Variants in PLXNA4 observed in about 807,000 individuals in gnomAD.
PLXNA4 encodes plexin A4, also known as plexin-A4.
PLXNA4 carries 44 observed loss-of-function variants against 191.8 expected under a neutral mutation model. That is an observed-to-expected ratio of 0.23 (90% CI 0.18 to 0.29). PLXNA4 has a LOEUF of 0.29. Ranked by LOEUF, PLXNA4 falls within the 10% of genes least tolerant of loss-of-function variation. The probability of loss-of-function intolerance (pLI) is 1.00; values close to 1 mark genes in which losing one functional copy is unlikely to be tolerated. For missense variants in PLXNA4, 1,800 were observed against 2,488.8 expected (o/e 0.72, Z 5.89); for synonymous variants, 1,082 against 1,009.5 (o/e 1.07, Z -1.36).
chr7:132,380,781 T>A (rs1369941688), intron 3 of PLXNA4, among the ~76,000 whole-genome samples: 1 of 152,196 alleles, frequency 6.6e-6, no homozygotes, highest in Non-Finnish European at 1.5e-5. Context: ...CGATTGCTGG[T>A]CCCCAAAACA....
intron 5 of PLXNA4, among the ~76,000 whole-genome samples, chr7:132,239,024 C>T (rs1233636753): frequency 1.3e-5 from 2 of 152,214 alleles, no homozygotes; most frequent in African/African-American, 2.4e-5. Context: ...GGAGTCTGCA[C>T]TTGGGGGCAG....
chr7:132,202,371 T>C (rs892339094), intron 12 of PLXNA4, among the ~76,000 whole-genome samples: 4 of 152,128 alleles, frequency 2.6e-5, no homozygotes, highest in Non-Finnish European at 4.4e-5. Flanking sequence ...TGGCGAGGAC[T>C]GAGTCCTTTT....
At chr7:132,529,826 C>T (rs1407150483) in intron 1 of PLXNA4, among the ~76,000 whole-genome samples, 1 of 152,078 alleles carries the variant, frequency 6.6e-6, no homozygotes, top group African/African-American at 2.4e-5. Context: ...AGGATGGTCT[C>T]GATCTCCAGA....
At chr7:132,357,982 A>T (rs1202214147) in intron 3 of PLXNA4, among the ~76,000 whole-genome samples, 1 of 152,206 alleles carries the variant, frequency 6.6e-6, no homozygotes, top group African/African-American at 2.4e-5. Flanking sequence ...ATTGTTAGAC[A>T]CAGAGCACTC....
chr7:132,594,166 G>A (rs573563650), intron 2 of PLXNA4, among the ~76,000 whole-genome samples: 4 of 152,338 alleles, frequency 2.6e-5, no homozygotes, highest in Admixed American at 6.5e-5. Flanking sequence ...GATGTAATTC[G>A]TTAAGATGAG....
chr7:132,281,619 C>T (rs1211218551), intron 4 of PLXNA4, among the ~76,000 whole-genome samples: 1 of 152,166 alleles, frequency 6.6e-6, no homozygotes, highest in African/African-American at 2.4e-5. Context: ...CAAATGATCT[C>T]CTCATGCCAT....
At position 132,127,910 on chromosome 7, in the gene PLXNA4, A is replaced by AAAAAT. The variant is rs1794816703; in HGVS notation, c.*2564_*2568dup. ...CAATAACAATAATCATCATCCAGTA[A>AAAAAT]AAAATAAAAGCTTCAGCAGAACCGT... On this transcript the variant is annotated 3_prime_UTR_variant, in exon 32 of 32. Transcript: ENST00000321063. 3.3e-5 allele frequency: 5 copies of AAAAAT among 152,038 alleles called. No homozygotes were observed. The South Asian group carries it at 1.0e-3, about 32-fold the overall frequency. The allele number at this position is 152,038 out of a possible 1,614,324, so 9.4% of individuals were successfully genotyped here.
intron 3 of PLXNA4, among the ~76,000 whole-genome samples, chr7:132,460,021 A>G (rs535480376): frequency 2.9e-4 from 44 of 152,098 alleles, no homozygotes; most frequent in Middle Eastern, 3.4e-3. Flanking sequence ...ACCGATAGCA[A>G]GAATACTTAT....
At chr7:132,460,866 C>CCT (rs1383654733) in intron 3 of PLXNA4, among the ~76,000 whole-genome samples, 2 of 151,964 alleles carry the variant, frequency 1.3e-5, no homozygotes, top group East Asian at 3.9e-4. Context: ...ACTCATGGTA[C>CCT]CTCTGCACAC....
chr7:132,561,611 TTCCTCCTCC>T (rs1283113124), intron 1 of PLXNA4, among the ~76,000 whole-genome samples: 11 of 93,748 alleles, frequency 1.2e-4, no homozygotes, highest in Non-Finnish European at 1.9e-4. Flanking sequence ...CCTCCTTCTC[TTCCTCCTCC>T]TCCTCTTCCT....
chr7:132,559,572 C>T (rs1367300929), intron 1 of PLXNA4, among the ~76,000 whole-genome samples: 2 of 152,188 alleles, frequency 1.3e-5, no homozygotes, highest in Non-Finnish European at 2.9e-5. Flanking sequence ...TCACTACCTT[C>T]CGCAGCAGCA....
rs190064899 is a variant in PLXNA4 at position 132,133,064 on chromosome 7, G to C, written c.5574C>G (p.Gly1858=). ...SALSEIFSYV[G]KYSEEILGPL... ...CAAAGCTTACCTCCTCGCTGTATTT[G>C]CCCACATAGGAGAAGATCTCTGAGA... Residue 1858 remains glycine (G), a synonymous_variant, in exon 31 of 32, where the codon GGC becomes GGG. Transcript: ENST00000321063. 1 of 1,613,990 alleles carries C rather than the reference G, an allele frequency of 6.2e-7. No individual in the cohort carries two copies. Among genetic ancestry groups the C allele is most frequent in the South Asian group, 1.1e-5 (1 of 91,040 alleles).
intron 3 of PLXNA4, among the ~76,000 whole-genome samples, chr7:132,309,415 G>A (rs950847027): frequency 3.9e-5 from 6 of 152,024 alleles, no homozygotes; most frequent in African/African-American, 1.4e-4. Flanking sequence ...GCACAGAGAC[G>A]CAGGCCAGAA....
chr7:132,429,475 G>T (rs1270740553), intron 3 of PLXNA4, among the ~76,000 whole-genome samples: 1 of 152,176 alleles, frequency 6.6e-6, no homozygotes, highest in Non-Finnish European at 1.5e-5. Flanking sequence ...CACCACGAAA[G>T]CAGGCACAGA....
intron 25 of PLXNA4, among the ~76,000 whole-genome samples, chr7:132,151,046 T>C (rs1795581491): frequency 6.6e-6 from 1 of 152,190 alleles, no homozygotes; most frequent in South Asian, 2.1e-4. Context: ...AAAGCCAATA[T>C]GGAGAGAGGG....
chr7:132,224,351 C>T (rs549065332), intron 8 of PLXNA4, among the ~76,000 whole-genome samples: 8 of 152,214 alleles, frequency 5.3e-5, no homozygotes, highest in Non-Finnish European at 1.0e-4. Context: ...TTCTGTCCTC[C>T]ACCTGACTAC....
At chr7:132,606,824 T>C (rs1802933891) in intron 2 of PLXNA4, among the ~76,000 whole-genome samples, 2 of 152,170 alleles carry the variant, frequency 1.3e-5, no homozygotes, top group South Asian at 2.1e-4. Flanking sequence ...AGAAAGCAGC[T>C]CGAGCTCTCA....
rs555533069 is a variant in PLXNA4 at position 132,236,567 on chromosome 7, T to C, written c.1604+4499A>G. Among the ~76,000 whole-genome samples the C allele has an allele frequency of 7.4e-4, 113 of 152,122 alleles. 1 individual carries two copies. The highest frequency in any genetic ancestry group is 6.2e-4 in the Non-Finnish European group (42 of 68,018). On this transcript the variant is annotated intron_variant, in intron 5 of 31. Transcript: ENST00000321063. ...AACAAATGCATTGATTCTAGTAAACTCCCACTGTGAATCCAAGGCCTGGTT... is the reference window on the plus strand; with the variant it reads ...AACAAATGCATTGATTCTAGTAAACCCCCACTGTGAATCCAAGGCCTGGTT...
intron 3 of PLXNA4, among the ~76,000 whole-genome samples, chr7:132,475,907 G>A (rs140694908): frequency 6.6e-6 from 1 of 152,268 alleles, no homozygotes; most frequent in East Asian, 1.9e-4. Context: ...GCCAAAGTGG[G>A]CGAGTCAGAG....
Sources: gnomAD v4.1 joint callset for allele counts (sites outside exome capture counted in the v4.1 genomes callset) on GRCh38, gnomAD v4.1.1 for gene constraint, MANE v1.5 for transcripts, NCBI Gene and HGNC (gene_info 2026-07-23, HGNC 2026-07-21) for gene names.